Variants in OLFM2 observed in about 807,000 individuals in gnomAD.
OLFM2 encodes noelin-2.
A neutral mutation model predicts 43.9 loss-of-function variants in OLFM2; 20 were observed. The observed-to-expected ratio is 0.46, with a 90% CI of 0.32 to 0.66. The LOEUF (loss-of-function observed/expected upper bound fraction) is 0.66. OLFM2 is among the 30% of genes least tolerant of loss of function. OLFM2 has a pLI of 0.04. For synonymous variants in OLFM2, 268 were observed against 278.6 expected, an observed-to-expected ratio of 0.96 and a Z score of 0.38; for missense variants, 416 against 643.6, an observed-to-expected ratio of 0.65 and a Z score of 3.83.
At position 9,919,205 on chromosome 19, in the gene OLFM2, C is replaced by T. The variant is rs1599500554; in HGVS notation, c.63+17099G>A. On this transcript the variant is annotated intron_variant, in intron 1 of 5. Transcript: ENST00000264833. The stretch of plus-strand genomic sequence containing the variant: ...TTTTTGAGATGGAGTCTCGCTCTGT[C>T]ACCCAGGCTGGAGTGCAATGGGATG... Among the ~76,000 whole-genome samples the T allele has an allele frequency of 4.7e-5, 7 of 148,950 alleles. No homozygotes were observed. The South Asian group carries it at 1.5e-3, about 31-fold the overall frequency.
chr19:9,917,645 T>C (rs1167915655), intron 1 of OLFM2, among the ~76,000 whole-genome samples: 1 of 152,170 alleles, frequency 6.6e-6, no homozygotes, highest in Non-Finnish European at 1.5e-5. Flanking sequence ...TCCAGTAGCT[T>C]TCTGCTGTAG....
chr19:9,916,117 G>A (rs1003369520), intron 1 of OLFM2, among the ~76,000 whole-genome samples: 15 of 152,208 alleles, frequency 9.9e-5, no homozygotes, highest in African/African-American at 3.6e-4. Context: ...AGCACTTTGG[G>A]AGGCCGAGGA....
At chr19:9,869,563 A>C (rs573512398) in intron 1 of OLFM2, among the ~76,000 whole-genome samples, 1 of 152,310 alleles carries the variant, frequency 6.6e-6, no homozygotes, top group South Asian at 2.1e-4. Context: ...ATATAAGAGC[A>C]ATTAGAACAG....
At chr19:9,881,990 G>A (rs1229346153) in intron 1 of OLFM2, among the ~76,000 whole-genome samples, 1 of 152,210 alleles carries the variant, frequency 6.6e-6, no homozygotes, top group South Asian at 2.1e-4. Flanking sequence ...CCAACACCGT[G>A]GGAGGAGGCC....
intron 1 of OLFM2, among the ~76,000 whole-genome samples, chr19:9,875,287 C>T (rs2046476007): frequency 6.6e-6 from 1 of 152,184 alleles, no homozygotes; most frequent in Non-Finnish European, 1.5e-5. Context: ...GATGGGGTTT[C>T]TTCCTTCACG....
intron 1 of OLFM2, among the ~76,000 whole-genome samples, chr19:9,873,772 G>A (rs888353884): frequency 6.0e-5 from 9 of 148,980 alleles, no homozygotes; most frequent in African/African-American, 1.7e-4. Flanking sequence ...TGGGACTACC[G>A]ATGTACACTA....
chr19:9,900,945 G>GGGAAGGAAGGAAGGAAGGAA (rs762692609), intron 1 of OLFM2, among the ~76,000 whole-genome samples: 42 of 18,932 alleles, frequency 2.2e-3, no homozygotes, highest in Non-Finnish European at 3.0e-3. Context: ...GGGAGGGAAG[G>GGGAAGGAAGGAAGGAAGGAA]GGAAGGAAGG....
chr19:9,888,395 G>A (rs918409045), intron 1 of OLFM2, among the ~76,000 whole-genome samples: 5 of 151,488 alleles, frequency 3.3e-5, no homozygotes, highest in Non-Finnish European at 5.9e-5. Flanking sequence ...GTGGTGGTGC[G>A]TGCCTGTAAT....
chr19:9,908,152 C>T (rs965810575), intron 1 of OLFM2, among the ~76,000 whole-genome samples: 1 of 152,106 alleles, frequency 6.6e-6, no homozygotes, highest in African/African-American at 2.4e-5. Flanking sequence ...AGACATGGGC[C>T]TCCTCCCTGT....
chr19:9,906,620 C>T (rs376680430), intron 1 of OLFM2, among the ~76,000 whole-genome samples: 7 of 152,000 alleles, frequency 4.6e-5, no homozygotes, highest in South Asian at 2.1e-4. Context: ...AAATACAAAC[C>T]GAACTGCAGA....
intron 1 of OLFM2, among the ~76,000 whole-genome samples, chr19:9,918,706 ATATGCTACAAT>A (rs1350669065): frequency 6.6e-6 from 1 of 152,226 alleles, no homozygotes; most frequent in East Asian, 1.9e-4. Flanking sequence ...TGCTCCTGAT[ATATGCTACAAT>A]GTGGATGATC....
chr19:9,883,091 TC>T (rs1471557317), intron 1 of OLFM2, among the ~76,000 whole-genome samples: 1 of 150,358 alleles, frequency 6.7e-6, no homozygotes, highest in East Asian at 2.0e-4. Context: ...GTGCCTGTAG[TC>T]CCAGCTACTT....
At chr19:9,934,042 A>G (rs371948587) in intron 1 of OLFM2, among the ~76,000 whole-genome samples, 1 of 151,978 alleles carries the variant, frequency 6.6e-6, no homozygotes, top group Non-Finnish European at 1.5e-5. Flanking sequence ...GTGCATAATC[A>G]TATCTGTTCA....
intron 1 of OLFM2, among the ~76,000 whole-genome samples, chr19:9,899,832 T>C (rs939844573): frequency 6.6e-6 from 1 of 151,836 alleles, no homozygotes; most frequent in African/African-American, 2.4e-5. Flanking sequence ...GGATTACATA[T>C]ATATGTGAGC....
chr19:9,906,846 C>T (rs2046789448), intron 1 of OLFM2, among the ~76,000 whole-genome samples: 1 of 152,104 alleles, frequency 6.6e-6, no homozygotes, highest in Admixed American at 6.6e-5. Context: ...TCCTTTTGGC[C>T]CTAGCTACCC....
rs1265499414 is a variant in OLFM2, at chr19:9,936,460, G to C, written c.-94C>G. The C allele has an allele frequency of 4.3e-6, 4 of 929,954 alleles. No homozygotes were observed. Among genetic ancestry groups the C allele is most frequent in the African/African-American group, 1.9e-5 (1 of 54,030 alleles). The allele number at this position is 929,954 out of a possible 1,614,324, so 57.6% of individuals were successfully genotyped here. ...CAGGCGCGACCCCGCCCGCCCGGCC[G>C]GGGCGACCCTGCGCCGCCGCCTCCC... On this transcript the variant is annotated 5_prime_UTR_variant, in exon 1 of 6. Transcript: ENST00000264833.
chr19:9,914,600 T>A (rs1004498550), intron 1 of OLFM2, among the ~76,000 whole-genome samples: 1 of 151,302 alleles, frequency 6.6e-6, no homozygotes, highest in African/African-American at 2.4e-5. Flanking sequence ...AGGTGTCTAC[T>A]TGCAACTTTA....
chr19:9,896,610 AC>A (rs1288017748), intron 1 of OLFM2, among the ~76,000 whole-genome samples: 2 of 151,848 alleles, frequency 1.3e-5, no homozygotes, highest in Non-Finnish European at 2.9e-5. Flanking sequence ...CCTTCCTCTT[AC>A]CCCAGGGCCT....
At chr19:9,906,265 T>C (rs1307277218) in intron 1 of OLFM2, among the ~76,000 whole-genome samples, 1 of 152,034 alleles carries the variant, frequency 6.6e-6, no homozygotes, top group East Asian at 1.9e-4. Flanking sequence ...CATCCACTCA[T>C]TGGCTGGTTC....
Sources: gnomAD v4.1 joint callset for allele counts (sites outside exome capture counted in the v4.1 genomes callset) on GRCh38, gnomAD v4.1.1 for gene constraint, MANE v1.5 for transcripts, NCBI Gene and HGNC (gene_info 2026-07-23, HGNC 2026-07-21) for gene names.